Variants in SORBS2 observed in about 807,000 individuals in gnomAD.
The protein encoded by SORBS2 is sorbin and SH3 domain-containing protein 2.
A neutral mutation model predicts 97.7 loss-of-function variants in SORBS2; 46 were observed. The observed-to-expected ratio is 0.47, with a 90% confidence interval of 0.37 to 0.60. The LOEUF is 0.60. Ranked by LOEUF, SORBS2 falls within the 20% of genes least tolerant of loss-of-function variation. The pLI, the probability that SORBS2 is intolerant of heterozygous loss-of-function variation, is 0.00. For missense variants in SORBS2, 1,316 were observed against 1,282.3 expected, an observed-to-expected ratio of 1.03 and a Z score of -0.40; for synonymous variants, 476 against 473.4, an observed-to-expected ratio of 1.01 and a Z score of -0.07.
chr4:185,704,723 A>ATC lies in SORBS2; in HGVS notation c.-197-25902_-197-25901insGA, dbSNP rs1260160909. On this transcript the variant is annotated intron_variant, in intron 2 of 20. Transcript: ENST00000284776. ...TCCCTCAACTCTCCATGTTTTGAGA[A>ATC]ATAAGACAAGAAACATTCAGCTCTG... Among the ~76,000 whole-genome samples, 275 of 152,232 alleles carry ATC rather than the reference A, an allele frequency of 1.8e-3. 2 individuals carry two copies. Among genetic ancestry groups the ATC allele is most frequent in the African/African-American group, 6.3e-3 (263 of 41,476 alleles).
intron 4 of SORBS2, among the ~76,000 whole-genome samples, chr4:185,669,618 A>G (rs915135685): frequency 3.3e-5 from 5 of 152,124 alleles, no homozygotes; most frequent in Non-Finnish European, 2.9e-5. Flanking sequence ...GTGACAAAAA[A>G]CTCAGTAATT....
chr4:185,864,514 T>G (rs2099225703), intron 1 of SORBS2, among the ~76,000 whole-genome samples: 1 of 152,230 alleles, frequency 6.6e-6, no homozygotes, highest in African/African-American at 2.4e-5. Flanking sequence ...CCACTATCAC[T>G]ATATTTGCTT....
At chr4:185,741,499 G>C (rs1388957210) in intron 2 of SORBS2, among the ~76,000 whole-genome samples, 1 of 147,410 alleles carries the variant, frequency 6.8e-6, no homozygotes. Flanking sequence ...CACCTCCCAG[G>C]TTCAAGAGAT....
intron 2 of SORBS2, among the ~76,000 whole-genome samples, chr4:185,733,572 G>A (rs371250744): frequency 4.5e-4 from 68 of 152,336 alleles, no homozygotes; most frequent in East Asian, 7.7e-4. Context: ...GGATAAGGGC[G>A]TTCCTGGTCC....
At chr4:185,908,388 C>T (rs1249774027) in intron 1 of SORBS2, among the ~76,000 whole-genome samples, 9 of 127,512 alleles carry the variant, frequency 7.1e-5, no homozygotes, top group African/African-American at 2.6e-4. Context: ...AGTAAATGGC[C>T]ACTCGAGGTA....
intron 2 of SORBS2, among the ~76,000 whole-genome samples, chr4:185,746,282 C>T (rs36060571): frequency 0.13 from 19,887 of 152,056 alleles, 1,532 homozygotes; most frequent in South Asian, 0.19. Flanking sequence ...TTTGGATCCA[C>T]GTAGTCTCTC....
In SORBS2 at chr4:185,685,000, C is replaced by G. The variant is rs1043004454; in HGVS notation, c.-197-6178G>C. Among the ~76,000 whole-genome samples the G allele has an allele frequency of 1.3e-5, 2 of 152,198 alleles. No individual in the cohort carries two copies. The highest frequency in any genetic ancestry group is 4.8e-5 in the African/African-American group (2 of 41,436). The stretch of plus-strand genomic sequence containing the variant: ...ATGCACCTGCCAATTTCACACCACC[C>G]TCAAACTAAAACAAACAAAACGAAA... On this transcript the variant is annotated intron_variant, in intron 2 of 20. Coordinates refer to the SORBS2 transcript ENST00000284776. The surrounding 1 kb of genome is among the most constrained non-coding windows in gnomAD (Gnocchi z 4.2).
At chr4:185,618,172 G>A (rs1321586362) in intron 9 of SORBS2, among the ~76,000 whole-genome samples, 1 of 152,000 alleles carries the variant, frequency 6.6e-6, no homozygotes, top group Non-Finnish European at 1.5e-5. Flanking sequence ...ACATGGTTTT[G>A]CCATGTTGCC....
At chr4:185,604,862 G>C (rs182342980) in intron 12 of SORBS2, among the ~76,000 whole-genome samples, 1 of 152,214 alleles carries the variant, frequency 6.6e-6, no homozygotes, top group East Asian at 1.9e-4. Flanking sequence ...ACTGTAACTT[G>C]CGTGTAAAGT....
At chr4:185,709,932 G>A (rs569055168) in intron 2 of SORBS2, 11 of 151,302 alleles carry the variant, frequency 7.3e-5, no homozygotes, top group Non-Finnish European at 1.0e-4. Flanking sequence ...GAGTTCAGCT[G>A]TAATTGACTA....
At chr4:185,806,365 T>C (rs2099153365) in intron 1 of SORBS2, among the ~76,000 whole-genome samples, 1 of 151,906 alleles carries the variant, frequency 6.6e-6, no homozygotes, top group South Asian at 2.1e-4. Context: ...ACACTTGCCA[T>C]TCTTCATGGC....
At chr4:185,929,861 T>A (rs2099265594) in intron 1 of SORBS2, among the ~76,000 whole-genome samples, 1 of 152,146 alleles carries the variant, frequency 6.6e-6, no homozygotes, top group Non-Finnish European at 1.5e-5. Context: ...AGCCTGATTT[T>A]GGGCGTGTGT....
At chr4:185,758,444 T>A (rs2098844091) in intron 2 of SORBS2, among the ~76,000 whole-genome samples, 1 of 152,198 alleles carries the variant, frequency 6.6e-6, no homozygotes, top group Non-Finnish European at 1.5e-5. Context: ...GTTCTCCTCC[T>A]CCTCCTGGCC....
chr4:185,657,136 G>C (rs946767037), upstream of SORBS2: 1 of 318,402 alleles, frequency 3.1e-6, no homozygotes, highest in Non-Finnish European at 5.3e-6. Context: ...AAAGGTAAAA[G>C]AAAAACAAAC....
chr4:185,667,185 G>A (rs1489777100), intron 4 of SORBS2, among the ~76,000 whole-genome samples: 9 of 152,200 alleles, frequency 5.9e-5, no homozygotes, highest in Non-Finnish European at 1.2e-4. Flanking sequence ...ATGTTTGGGA[G>A]AGGAAATGGT....
chr4:185,696,664 A>G (rs533437828), intron 2 of SORBS2, among the ~76,000 whole-genome samples: 1 of 152,018 alleles, frequency 6.6e-6, no homozygotes, highest in East Asian at 1.9e-4. Context: ...CTGGTCTCGA[A>G]CTCCTGACCT....
chr4:185,606,654 G>T lies in SORBS2; in HGVS notation c.2796+5126C>A. 9.1e-6 allele frequency: 9 copies of T among 985,278 alleles called. No individual in the cohort carries two copies. Among genetic ancestry groups the T allele is most frequent in the Non-Finnish European group, 1.1e-5 (9 of 829,890 alleles). 61.0% of individuals were successfully genotyped at this position (985,278 alleles called of 1,614,324 possible). On this transcript the variant is annotated intron_variant, in intron 12 of 14. Transcript: ENST00000418609. This position sits in a 1 kb window ranked among gnomAD's most constrained non-coding sequence, Gnocchi z 4.3. ...TAGGATCTGTGGGGGTGGCTATGGG[G>T]TGTTTTAGGCAGTTGGGTTTCTCCT... is the stretch of plus-strand genomic sequence containing the variant.
At chr4:185,722,237 GT>G (rs1307151305) in intron 2 of SORBS2, among the ~76,000 whole-genome samples, 1 of 152,124 alleles carries the variant, frequency 6.6e-6, no homozygotes, top group African/African-American at 2.4e-5. Flanking sequence ...GGACATATGG[GT>G]TACTTTCCAA....
intron 2 of SORBS2, among the ~76,000 whole-genome samples, chr4:185,701,959 C>T (rs760486242): frequency 7.2e-5 from 11 of 152,086 alleles, no homozygotes; most frequent in African/African-American, 9.6e-5. Flanking sequence ...TTAGTAGAGA[C>T]GGGGTTTCAC....
Sources: gnomAD v4.1 joint callset for allele counts (sites outside exome capture counted in the v4.1 genomes callset) on GRCh38, gnomAD v4.1.1 for gene constraint, Gnocchi (gnomAD v3.1) non-coding constraint, MANE v1.5 for transcripts, NCBI Gene and HGNC (gene_info 2026-07-23, HGNC 2026-07-21) for gene names.